SMC4: variants seen among roughly 807,000 people sequenced by gnomAD.
SMC4 encodes the protein structural maintenance of chromosomes 4, also known as structural maintenance of chromosomes protein 4.
In SMC4, 87 loss-of-function variants were observed where a neutral mutation model predicts 145.6. The ratio of observed to expected loss-of-function variants is 0.60; its 90% CI spans 0.50 to 0.71. The LOEUF is 0.71. Ranked by LOEUF, SMC4 falls within the 30% of genes least tolerant of loss-of-function variation. The pLI, the probability that SMC4 is intolerant of heterozygous loss-of-function variation, is 0.00. For synonymous variants in SMC4, 558 were observed against 500.7 expected (o/e 1.11, Z -1.53); for missense variants, 1,447 against 1,537.1 (o/e 0.94, Z 0.98).
intron 5 of SMC4, among the ~76,000 whole-genome samples, chr3:160,408,672 T>A (rs1422902511): frequency 6.6e-6 from 1 of 152,236 alleles, no homozygotes; most frequent in Non-Finnish European, 1.5e-5. Flanking sequence ...AAATTAAAAC[T>A]ATATTCTGTA....
Position 160,424,771 on chromosome 3 carries a change from T to C in SMC4, c.2326-96T>C, listed in dbSNP as rs142290281. The C allele has an allele frequency of 6.2e-4, 866 of 1,395,952 alleles. 3 individuals are homozygous for C. The African/African-American group carries it at 0.011, about 18-fold the overall frequency. The allele number at this position is 1,395,952 out of a possible 1,614,324, so 86.5% of individuals were successfully genotyped here. A position where few individuals can be genotyped will look rare whatever the true frequency, so the allele number is the denominator to read the frequency against. On this transcript the variant is annotated intron_variant, in intron 15 of 23. Transcript: ENST00000357388. ...GTTGCAGTGAGCTGAGACCGCGCCA[T>C]TGCACTCCAGCCTGGGCGACAGAAG...
At chr3:160,405,597 G>A (rs1157328169) in intron 5 of SMC4, among the ~76,000 whole-genome samples, 1 of 151,888 alleles carries the variant, frequency 6.6e-6, no homozygotes, top group East Asian at 1.9e-4. Context: ...AGTATACAAG[G>A]TAAATCAGTA....
At position 160,428,906 on chromosome 3, in the gene SMC4, T is replaced by C. The variant is rs780023634; in HGVS notation, c.2759T>C (p.Ile920Thr). The change falls in exon 18 of 24, where the codon ATT becomes ACT. Residue 920 changes from isoleucine to threonine, a missense_variant. Ile to Thr is a moderately conservative substitution (Grantham distance 89). Coordinates refer to ENST00000357388, the MANE Select transcript of SMC4 (RefSeq NM_001002800.3). Reference protein sequence around the residue: ...NKQLDECASAITKAQVAIKTA... With the variant: ...NKQLDECASATTKAQVAIKTA... ...CAATTAGATGAATGTGCTTCTGCTA[T>C]TACTAAAGCCCAAGTAGCAATCAAG... 4 of 1,597,084 alleles carry C rather than the reference T, an allele frequency of 2.5e-6. No homozygotes were observed. Among genetic ancestry groups the C allele is most frequent in the Non-Finnish European group, 3.4e-6 (4 of 1,176,408 alleles).
chr3:160,421,049 C>T, intron 13 of SMC4, 148 bp downstream of exon 13: 1 of 559,826 alleles, frequency 1.8e-6, no homozygotes, highest in East Asian at 3.8e-5. Context: ...CCTGCCTCAG[C>T]CTCCCGAGTA....
intron 7 of SMC4, 112 bp downstream of exon 7, chr3:160,412,565 A>G: frequency 7.2e-7 from 1 of 1,385,026 alleles, no homozygotes; most frequent in Non-Finnish European, 9.4e-7. Flanking sequence ...AAAATCTCTA[A>G]ATATTGTTTT....
chr3:160,420,639 C>A, intron 12 of SMC4, 101 bp from the exon 13 acceptor site: 2 of 1,213,676 alleles, frequency 1.6e-6, no homozygotes, highest in Non-Finnish European at 2.4e-6. Context: ...ACCATGTCTA[C>A]ATAAAGTTTT....
chr3:160,429,747 C>T (rs553691866), intron 18 of SMC4, among the ~76,000 whole-genome samples: 3 of 141,652 alleles, frequency 2.1e-5, no homozygotes, highest in Non-Finnish European at 4.6e-5. Flanking sequence ...GAGACAGTCT[C>T]GCTCTGCCAT....
At chr3:160,425,630 A>G (rs1304946478) in intron 16 of SMC4, among the ~76,000 whole-genome samples, 1 of 152,090 alleles carries the variant, frequency 6.6e-6, no homozygotes, top group Non-Finnish European at 1.5e-5. Context: ...TATTATGTAC[A>G]TGGCTATGTT....
chr3:160,407,663 ACTTCT>A (rs765163119), intron 5 of SMC4, among the ~76,000 whole-genome samples: 15 of 151,292 alleles, frequency 9.9e-5, no homozygotes, highest in Non-Finnish European at 1.5e-4. Flanking sequence ...TTTCCAATGT[ACTTCT>A]CTTAAGCTTG....
intron 5 of SMC4, among the ~76,000 whole-genome samples, chr3:160,408,928 T>C (rs910975909): frequency 2.6e-5 from 4 of 152,090 alleles, no homozygotes; most frequent in Non-Finnish European, 5.9e-5. Context: ...GTTAATAGCC[T>C]GTTGATTCAA....
chr3:160,408,995 A>G lies in SMC4; in HGVS notation c.688-2925A>G, dbSNP rs888407148. Among the ~76,000 whole-genome samples, 3 of 152,178 alleles carry G rather than the reference A, an allele frequency of 2.0e-5. No homozygotes were observed. The East Asian group carries it at 5.8e-4, about 29-fold the overall frequency. On this transcript the variant is annotated intron_variant, in intron 5 of 23. Transcript: ENST00000357388. ...TAAAAAAAAGCAATACGGTATAATA[A>G]TCTTAAGACTGCTGTAATCCCAGCA...
At chr3:160,427,691 T>C (rs1717939422) in intron 17 of SMC4, among the ~76,000 whole-genome samples, 1 of 152,230 alleles carries the variant, frequency 6.6e-6, no homozygotes, top group Non-Finnish European at 1.5e-5. Flanking sequence ...TGTGCAAGCA[T>C]ATCTTTAAAA....
intron 9 of SMC4, among the ~76,000 whole-genome samples, chr3:160,415,192 T>TA (rs1716453603): frequency 6.6e-6 from 1 of 152,148 alleles, no homozygotes; most frequent in Non-Finnish European, 1.5e-5. Flanking sequence ...GGCAACATAG[T>TA]AAGATCCCAT....
At chr3:160,405,394 G>A (rs770432829) in intron 5 of SMC4, among the ~76,000 whole-genome samples, 13 of 151,414 alleles carry the variant, frequency 8.6e-5, no homozygotes, top group Non-Finnish European at 1.6e-4. Flanking sequence ...CTTTTCCTGT[G>A]TTCTATCCAG....
chr3:160,428,057 G>C (rs1412891292), intron 17 of SMC4, among the ~76,000 whole-genome samples: 1 of 152,256 alleles, frequency 6.6e-6, no homozygotes, highest in Admixed American at 6.5e-5. Flanking sequence ...GGAGGTTGCA[G>C]TGAGCTGCGA....
At chr3:160,406,252 G>A (rs1345098616) in intron 5 of SMC4, among the ~76,000 whole-genome samples, 1 of 152,048 alleles carries the variant, frequency 6.6e-6, no homozygotes, top group Non-Finnish European at 1.5e-5. Context: ...AATGTTCCAA[G>A]TTAACAGATT....
At chr3:160,429,819 T>A (rs545510412) in intron 18 of SMC4, among the ~76,000 whole-genome samples, 1 of 150,758 alleles carries the variant, frequency 6.6e-6, no homozygotes, top group South Asian at 2.1e-4. Flanking sequence ...CAGGTTCAAG[T>A]GATTCTCCTG....
chr3:160,409,427 A>G lies in SMC4; in HGVS notation c.688-2493A>G, dbSNP rs201182960. Among the ~76,000 whole-genome samples the G allele has an allele frequency of 2.6e-4, 39 of 152,270 alleles. No individual in the cohort carries two copies. In the East Asian group the frequency reaches 7.3e-3, roughly 29 times the overall value. On this transcript the variant is annotated intron_variant, in intron 5 of 23. Transcript: ENST00000357388. ...CATTTTATTTGGAGAGAGAGGAACA[A>G]ACAACCAAAAATGAGCAACCATTGT... is the stretch of plus-strand genomic sequence containing the variant.
At chr3:160,419,569 G>T in intron 12 of SMC4, 26 bp downstream of exon 12, 2 of 1,552,610 alleles carry the variant, frequency 1.3e-6, no homozygotes, top group Non-Finnish European at 1.7e-6. Flanking sequence ...GGGGGGCATG[G>T]CTTTACTTTT....
Sources: gnomAD v4.1 joint callset for allele counts (sites outside exome capture counted in the v4.1 genomes callset) on GRCh38, gnomAD v4.1.1 for gene constraint, MANE v1.5 for transcripts, NCBI Gene and HGNC (gene_info 2026-07-23, HGNC 2026-07-21) for gene names.